The following TRIM38 variants were observed in gnomAD, a reference collection of about 807,000 sequenced individuals.
TRIM38 encodes E3 ubiquitin-protein ligase TRIM38.
In TRIM38, 35 loss-of-function variants were observed where a neutral mutation model predicts 35.8. The ratio of observed to expected loss-of-function variants is 0.98; its 90% CI spans 0.75 to 1.30. The LOEUF (loss-of-function observed/expected upper bound fraction) is 1.30, where lower values mean the gene tolerates loss of function less well. Ranked by LOEUF, TRIM38 falls within the 50% of genes most tolerant of loss-of-function variation. TRIM38 has a pLI of 0.00. For synonymous variants in TRIM38, 198 were observed against 204.7 expected (o/e 0.97, Z 0.28); for missense variants, 545 against 556.9 (o/e 0.98, Z 0.21).
In TRIM38 at chr6:25,973,071, G is replaced by A. The variant is rs1230030573; in HGVS notation, c.756G>A (p.Leu252=). Reference sequence around the variant, plus strand: ...CTTTATAGAATGTGAATGACACTTTGAGCAGGTAAGTCCTGTTTGAATGCA... The same window carrying A: ...CTTTATAGAATGTGAATGACACTTTAAGCAGGTAAGTCCTGTTTGAATGCA... The part of the protein sequence containing the change: ...QKLLQNVNDT[L]SRSWAVKLET... Residue 252 remains leucine (L), a synonymous_variant, in exon 6 of 8, where the codon TTG becomes TTA. Coordinates refer to ENST00000357085, the MANE Select transcript of TRIM38 (RefSeq NM_006355.5). 2.5e-6 allele frequency: 4 copies of A among 1,614,008 alleles called. No homozygotes were observed. Among genetic ancestry groups the A allele is most frequent in the Admixed American group, 1.7e-5 (1 of 59,996 alleles).
At position 25,967,524 on chromosome 6, in the gene TRIM38, C is replaced by CT. The variant is rs34579913; in HGVS notation, c.411+617dup. Among the ~76,000 whole-genome samples, 102 of 90,906 alleles carry CT rather than the reference C, an allele frequency of 1.1e-3. 7 individuals carry two copies. Among genetic ancestry groups the CT allele is most frequent in the Non-Finnish European group, 1.6e-3 (77 of 49,248 alleles). 59.6% of individuals were successfully genotyped at this position (90,906 alleles called of 152,430 possible). On this transcript the variant is annotated intron_variant, in intron 3 of 7. Coordinates refer to ENST00000357085, the MANE Select transcript of TRIM38 (RefSeq NM_006355.5). The stretch of plus-strand genomic sequence containing the variant: ...TGAAAATATCACTCTGGTACCTCTA[C>CT]TTTTTTTTTTTTTTTTTTTTTTTTT...
At chr6:25,974,462 C>G (rs529262416) in intron 7 of TRIM38, among the ~76,000 whole-genome samples, 1 of 152,208 alleles carries the variant, frequency 6.6e-6, no homozygotes, top group Non-Finnish European at 1.5e-5. Flanking sequence ...ATCCCATCAT[C>G]TTTGCCATAT....
chr6:25,985,090 CATAAGAAGT>C lies in TRIM38; in HGVS notation c.*1406_*1414del, dbSNP rs996734466. ...GGGTAGCAGAATATGCCATCTTTGG[CATAAGAAGT>C]ATTTTGAGTTGAAGACAATTGAGAA... On this transcript the variant is annotated 3_prime_UTR_variant, in exon 8 of 8. Coordinates refer to ENST00000357085, the MANE Select transcript of TRIM38 (RefSeq NM_006355.5). 2.0e-5 allele frequency: 3 copies of C among 151,968 alleles called. No homozygotes were observed. Among genetic ancestry groups the C allele is most frequent in the African/African-American group, 7.3e-5 (3 of 41,342 alleles). The allele number at this position is 151,968 out of a possible 1,614,324, so 9.4% of individuals were successfully genotyped here.
chr6:25,975,124 C>T (rs774550296), intron 7 of TRIM38: 70 of 973,378 alleles, frequency 7.2e-5, no homozygotes, highest in Non-Finnish European at 5.1e-5. Context: ...GCTCCGCCTT[C>T]CGGGTCAAGT....
In TRIM38 at chr6:25,966,296, G is replaced by A. The variant is rs1397756842; in HGVS notation, c.-188-39G>A. ...TGCACTTGGGTTGCAGTTCTCAAAC[G>A]TGGCCCAAACAACCTCAGCCTCAAC... is the stretch of plus-strand genomic sequence containing the variant. On this transcript the variant is annotated intron_variant, in intron 2 of 7. Transcript: ENST00000357085. The A allele has an allele frequency of 3.8e-5, 17 of 452,356 alleles. No homozygotes were observed. The East Asian group carries it at 5.8e-4, about 15-fold the overall frequency. 28.0% of individuals were successfully genotyped at this position (452,356 alleles called of 1,614,324 possible).
chr6:25,967,764 T>C (rs1760108753), intron 3 of TRIM38, among the ~76,000 whole-genome samples: 1 of 151,900 alleles, frequency 6.6e-6, no homozygotes, highest in Non-Finnish European at 1.5e-5. Context: ...CTCAAACCCC[T>C]GGTCTCCCTC....
At chr6:25,968,467 AGGT>A (rs1272215585) in intron 3 of TRIM38, among the ~76,000 whole-genome samples, 4 of 152,314 alleles carry the variant, frequency 2.6e-5, no homozygotes, top group South Asian at 4.1e-4. Context: ...CATACACAGG[AGGT>A]GGTTATAAGC....
rs989255727 is a variant in TRIM38 at position 25,987,933 on chromosome 6, G to A, written c.*4246G>A. The A allele has an allele frequency of 6.6e-6, 1 of 152,168 alleles. No individual in the cohort carries two copies. The highest frequency in any genetic ancestry group is 1.5e-5 in the Non-Finnish European group (1 of 68,046). The allele number at this position is 152,168 out of a possible 1,614,324, so 9.4% of individuals were successfully genotyped here. ...TAGAGTGTCATACAGTTGTGAAGCAGGAAGCAGGAGTGAACTCCGGAGGCA... is the reference window on the plus strand; with the variant it reads ...TAGAGTGTCATACAGTTGTGAAGCAAGAAGCAGGAGTGAACTCCGGAGGCA... On this transcript the variant is annotated 3_prime_UTR_variant, in exon 8 of 8. Coordinates refer to ENST00000357085, the MANE Select transcript of TRIM38 (RefSeq NM_006355.5).
chr6:25,973,138 C>T lies in TRIM38; in HGVS notation c.762-35C>T, dbSNP rs1317337312. 9 of 1,613,934 alleles carry T rather than the reference C, an allele frequency of 5.6e-6. No individual in the cohort carries two copies. The African/African-American group carries it at 1.1e-4, about 19-fold the overall frequency. ...CGTATATAGAAATGAATGGAATGCA[C>T]CTCTGAAGAAATCTCTCGCCTCTGC... is the stretch of plus-strand genomic sequence containing the variant. On this transcript the variant is annotated intron_variant, in intron 6 of 7. Coordinates refer to ENST00000357085, the MANE Select transcript of TRIM38 (RefSeq NM_006355.5).
At chr6:25,975,195 T>C (rs1760356392) in intron 7 of TRIM38, 1 of 941,818 alleles carries the variant, frequency 1.1e-6, no homozygotes, top group Non-Finnish European at 1.3e-6. Context: ...TTAAACACTG[T>C]TTATTAAAAT....
Position 25,971,970 on chromosome 6 carries a change from A to G in TRIM38, c.609A>G (p.Lys203=). 1 of 1,614,186 alleles carries G rather than the reference A, an allele frequency of 6.2e-7. No individual in the cohort carries two copies. Among genetic ancestry groups the G allele is most frequent in the South Asian group, 1.1e-5 (1 of 91,084 alleles). The change falls in exon 5 of 8, where the codon AAA becomes AAG. Residue 203 remains lysine (K), a synonymous_variant. Transcript: ENST00000357085. ...AGTCTTATCTCTGGAGGCTGGAGAA[A>G]GAAGAACAACAGACTCTGAGTAGAC... is the stretch of plus-strand genomic sequence containing the variant. ...EEKSYLWRLE[K]EEQQTLSRLR... is the part of the protein sequence containing the mutation.
intron 4 of TRIM38, among the ~76,000 whole-genome samples, chr6:25,971,414 TTG>T (rs138576201): frequency 5.3e-5 from 8 of 151,528 alleles, no homozygotes; most frequent in East Asian, 1.9e-4. Context: ...CAGTGGCTGA[TTG>T]TGTGTGTGTG....
At chr6:25,981,298 A>C (rs1760537716) in intron 7 of TRIM38, among the ~76,000 whole-genome samples, 1 of 152,248 alleles carries the variant, frequency 6.6e-6, no homozygotes, top group Non-Finnish European at 1.5e-5. Flanking sequence ...CAGAGGGCGG[A>C]AAGCCTGGTT....
At chr6:25,964,082 A>ACTTTTGTG (rs1759942171) in intron 2 of TRIM38, among the ~76,000 whole-genome samples, 1 of 152,152 alleles carries the variant, frequency 6.6e-6, no homozygotes, top group Non-Finnish European at 1.5e-5. Flanking sequence ...GTTCACTGAA[A>ACTTTTGTG]AATCGACTCA....
At position 25,971,983 on chromosome 6, in the gene TRIM38, A is replaced by T; in HGVS notation, c.622A>T (p.Thr208Ser). The change falls in exon 5 of 8, where the codon ACT (threonine) becomes TCT (serine). Residue 208 changes from threonine to serine, a missense_variant. By Grantham distance (58) the Thr-to-Ser change is moderately conservative. Transcript: ENST00000357085. ...GAGGCTGGAGAAAGAAGAACAACAG[A>T]CTCTGAGTAGACTGAGGGACTATGA... ...LWRLEKEEQQTLSRLRDYEAG... is the reference protein window; with the variant it reads ...LWRLEKEEQQSLSRLRDYEAG... 1 of 1,614,080 alleles carries T rather than the reference A, an allele frequency of 6.2e-7. No individual in the cohort carries two copies. The highest frequency in any genetic ancestry group is 8.5e-7 in the Non-Finnish European group (1 of 1,179,992).
chr6:25,972,039 C>A lies in TRIM38; in HGVS notation c.678C>A (p.Leu226=). ...EAGLGLKSNE[L]KSHILELEEK... ...GTCTGGGGCTGAAGAGCAATGAACT[C>A]AAGAGCCACATCCTGGAACTGGAGG... Residue 226 remains leucine (L), a synonymous_variant, in exon 5 of 8, where the codon CTC becomes CTA. Coordinates refer to ENST00000357085, the MANE Select transcript of TRIM38 (RefSeq NM_006355.5). The A allele has an allele frequency of 1.5e-5, 25 of 1,614,080 alleles. No individual in the cohort carries two copies. Among genetic ancestry groups the A allele is most frequent in the Middle Eastern group, 1.6e-4 (1 of 6,062 alleles).
At chr6:25,979,950 T>C (rs758498918) in intron 7 of TRIM38, among the ~76,000 whole-genome samples, 26 of 152,184 alleles carry the variant, frequency 1.7e-4, no homozygotes, top group Non-Finnish European at 3.1e-4. Flanking sequence ...CATTTCCTAA[T>C]ATTTAGAATC....
At chr6:25,976,711 T>G (rs544274606) in intron 7 of TRIM38, among the ~76,000 whole-genome samples, 1 of 152,304 alleles carries the variant, frequency 6.6e-6, no homozygotes, top group East Asian at 1.9e-4. Flanking sequence ...AAATGTTCCC[T>G]CCAGGGAGAT....
intron 1 of TRIM38, 63 bp downstream of exon 1, chr6:25,962,918 G>T (rs1202084970): frequency 1.3e-5 from 2 of 152,522 alleles, no homozygotes; most frequent in Non-Finnish European, 1.5e-5. Context: ...CAGTGGATAT[G>T]TGAGTGTGTA....
Sources: gnomAD v4.1 joint callset for allele counts (sites outside exome capture counted in the v4.1 genomes callset) on GRCh38, gnomAD v4.1.1 for gene constraint, MANE v1.5 for transcripts, NCBI Gene and HGNC (gene_info 2026-07-23, HGNC 2026-07-21) for gene names.